MDFI: variants seen among roughly 807,000 people sequenced by gnomAD.
MDFI encodes the protein MyoD family inhibitor.
A neutral mutation model predicts 22.3 loss-of-function variants in MDFI; 16 were observed. The observed-to-expected ratio is 0.72, with a 90% confidence interval of 0.49 to 1.09. MDFI has a LOEUF of 1.09. Ranked by LOEUF, MDFI falls within the 50% of genes least tolerant of loss-of-function variation. The probability of loss-of-function intolerance (pLI) is 0.00; values close to 1 mark genes in which losing one functional copy is unlikely to be tolerated. For missense variants in MDFI, 314 were observed against 326.1 expected (o/e 0.96, Z 0.29); for synonymous variants, 145 against 142.7 (o/e 1.02, Z -0.12).
chr6:41,650,509 T>C (rs1326345011), intron 4 of MDFI, among the ~76,000 whole-genome samples: 1 of 151,902 alleles, frequency 6.6e-6, no homozygotes, highest in African/African-American at 2.4e-5. Flanking sequence ...AAAACACACT[T>C]GCACATAACA....
chr6:41,650,482 C>T (rs1261375531), intron 4 of MDFI, among the ~76,000 whole-genome samples: 2 of 152,144 alleles, frequency 1.3e-5, no homozygotes, highest in African/African-American at 2.4e-5. Context: ...TGAAGGGACC[C>T]TGGCCTGGGC....
At chr6:41,639,330 C>G (rs1436212412) in intron 2 of MDFI, 1 of 985,304 alleles carries the variant, frequency 1.0e-6, no homozygotes, top group Admixed American at 6.1e-5. Flanking sequence ...GCCATCCCTT[C>G]TCCCTCGCCT....
chr6:41,638,633 G>A lies in MDFI; in HGVS notation c.-31G>A. 6 of 1,237,414 alleles carry A rather than the reference G, an allele frequency of 4.8e-6. No homozygotes were observed. The South Asian group carries it at 8.4e-5, about 17-fold the overall frequency. The allele number at this position is 1,237,414 out of a possible 1,614,324, so 76.7% of individuals were successfully genotyped here. The stretch of plus-strand genomic sequence containing the variant: ...CGCGCGGGGATCCGGCTGGAAGAGA[G>A]CGTAGCACGGCTCGCACGAGTGAGT... On this transcript the variant is annotated 5_prime_UTR_variant, in exon 1 of 5. Coordinates refer to ENST00000230321, the MANE Select transcript of MDFI (RefSeq NM_005586.4). This position sits in a 1 kb window ranked among gnomAD's most constrained non-coding sequence, Gnocchi z 7.6.
intron 2 of MDFI, chr6:41,639,673 T>G: frequency 1.0e-6 from 1 of 985,304 alleles, no homozygotes; most frequent in Non-Finnish European, 1.2e-6. Flanking sequence ...CGTGCAGGAG[T>G]GTGGACCCGG....
At chr6:41,648,612 G>GC (rs1417028067) in intron 3 of MDFI, among the ~76,000 whole-genome samples, 1 of 152,088 alleles carries the variant, frequency 6.6e-6, no homozygotes, top group African/African-American at 2.4e-5. Flanking sequence ...GGACTGAAGT[G>GC]CCCCCCACAT....
chr6:41,652,608 C>T (rs201892586), intron 4 of MDFI, among the ~76,000 whole-genome samples: 4 of 84,406 alleles, frequency 4.7e-5, no homozygotes, highest in Non-Finnish European at 2.1e-5. Context: ...CTCTCCCTCT[C>T]TTTTTTTTTT....
chr6:41,638,583 C>G lies in MDFI; in HGVS notation c.-81C>G, dbSNP rs1314525145. On this transcript the variant is annotated 5_prime_UTR_variant, in exon 1 of 5. Transcript: ENST00000230321. The surrounding 1 kb of genome is among the most constrained non-coding windows in gnomAD (Gnocchi z 7.6). ...CCAGCGGGACCTGGGCAGGGGCGCC[C>G]GGAGCAGGCGCGCATGGCGGGCCCC... 2 of 739,794 alleles carry G rather than the reference C, an allele frequency of 2.7e-6. No individual in the cohort carries two copies. The allele number at this position is 739,794 out of a possible 1,614,324, so 45.8% of individuals were successfully genotyped here.
chr6:41,649,440 C>T (rs1300720453), intron 3 of MDFI, among the ~76,000 whole-genome samples, 179 bp from the exon 4 acceptor site: 3 of 152,356 alleles, frequency 2.0e-5, no homozygotes, highest in South Asian at 2.1e-4. Context: ...AATTTCATGG[C>T]GTGGCTCTGG....
At chr6:41,652,860 C>T (rs191144098) in intron 4 of MDFI, among the ~76,000 whole-genome samples, 5 of 152,174 alleles carry the variant, frequency 3.3e-5, no homozygotes, top group Admixed American at 2.6e-4. Context: ...TCAGGTGATC[C>T]GCCCACCTCG....
intron 4 of MDFI, among the ~76,000 whole-genome samples, chr6:41,651,778 T>A (rs1014821941): frequency 1.3e-5 from 2 of 152,144 alleles, no homozygotes; most frequent in Admixed American, 1.3e-4. Context: ...CTTTGCCCCA[T>A]GGCCTGGCCC....
At chr6:41,639,087 CACACACACACAA>C (rs1272004663) in intron 2 of MDFI, among the ~76,000 whole-genome samples, 1 of 139,658 alleles carries the variant, frequency 7.2e-6, no homozygotes, top group Non-Finnish European at 1.5e-5. Flanking sequence ...GACACACACA[CACACACACACAA>C]ACACACACAC....
Position 41,638,915 on chromosome 6 carries a change from C to A in MDFI, c.76+90C>A. 2 of 1,356,078 alleles carry A rather than the reference C, an allele frequency of 1.5e-6. No individual in the cohort carries two copies. The highest frequency in any genetic ancestry group is 2.0e-6 in the Non-Finnish European group (2 of 1,008,742). 84.0% of individuals were successfully genotyped at this position (1,356,078 alleles called of 1,614,324 possible). ...TAGTTCTCCTCTCCGTCCCCAGACG[C>A]GGGGAGACCGTTCCAGGGAGCTTGG... On this transcript the variant is annotated intron_variant, in intron 2 of 4. Transcript: ENST00000230321. The surrounding 1 kb of genome is among the most constrained non-coding windows in gnomAD (Gnocchi z 7.6).
At chr6:41,651,691 A>G in intron 4 of MDFI, among the ~76,000 whole-genome samples, 1 of 152,154 alleles carries the variant, frequency 6.6e-6, no homozygotes, top group Non-Finnish European at 1.5e-5. Context: ...TCCACACAGG[A>G]ATGCAGGAGA....
intron 2 of MDFI, among the ~76,000 whole-genome samples, chr6:41,641,005 G>A (rs1361672222): frequency 2.6e-5 from 4 of 152,234 alleles, no homozygotes; most frequent in African/African-American, 7.2e-5. Context: ...GCCCTCTTTA[G>A]TTTTCAGCTT....
At chr6:41,649,924 C>A in intron 4 of MDFI, 81 bp downstream of exon 4, 1 of 1,171,474 alleles carries the variant, frequency 8.5e-7, no homozygotes, top group Non-Finnish European at 1.2e-6. Context: ...CCCACTGGAG[C>A]ACCTTCACCA....
intron 2 of MDFI, among the ~76,000 whole-genome samples, chr6:41,643,288 C>T (rs1175296764): frequency 2.6e-5 from 4 of 152,126 alleles, no homozygotes; most frequent in African/African-American, 4.8e-5. Context: ...CCCAGGAAGC[C>T]TGCTTGACAC....
At chr6:41,642,423 TG>T (rs546131589) in intron 2 of MDFI, among the ~76,000 whole-genome samples, 193 of 152,264 alleles carry the variant, frequency 1.3e-3, no homozygotes, top group African/African-American at 4.5e-3. Flanking sequence ...CCTCTGTGGC[TG>T]GACAGCGGTG....
intron 2 of MDFI, among the ~76,000 whole-genome samples, chr6:41,643,422 C>T (rs1398932413): frequency 6.6e-6 from 1 of 152,110 alleles, no homozygotes; most frequent in Non-Finnish European, 1.5e-5. Flanking sequence ...TAACCGAGAA[C>T]TCCGAGGCAG....
At chr6:41,646,492 G>A (rs1414800253) in intron 3 of MDFI, among the ~76,000 whole-genome samples, 184 bp downstream of exon 3, 1 of 152,178 alleles carries the variant, frequency 6.6e-6, no homozygotes, top group African/African-American at 2.4e-5. Flanking sequence ...GACCTCCACT[G>A]CAAAGTGACT....
Sources: allele counts gnomAD v4.1 joint callset (sites outside exome capture counted in the v4.1 genomes callset), GRCh38; gene constraint gnomAD v4.1.1; non-coding constraint Gnocchi (gnomAD v3.1); transcripts MANE v1.5; gene names NCBI Gene and HGNC (gene_info 2026-07-23, HGNC 2026-07-21).